The following IFT88 variants were observed in gnomAD, a reference collection of about 807,000 sequenced individuals.
IFT88 encodes intraflagellar transport protein 88 homolog.
IFT88 carries 74 observed loss-of-function variants against 119.5 expected under a neutral mutation model. That is an observed-to-expected ratio of 0.62 (90% confidence interval 0.51 to 0.75). The LOEUF (loss-of-function observed/expected upper bound fraction) is 0.75, where lower values mean the gene tolerates loss of function less well. IFT88 is among the 30% of genes least tolerant of loss of function. IFT88 has a pLI of 0.00. For synonymous variants in IFT88, 279 were observed against 316.7 expected (o/e 0.88, Z 1.26); for missense variants, 961 against 977.7 (o/e 0.98, Z 0.23).
At chr13:20,582,406 C>G (rs1020414729) in intron 2 of IFT88, among the ~76,000 whole-genome samples, 22 of 152,114 alleles carry the variant, frequency 1.4e-4, no homozygotes, top group African/African-American at 5.1e-4. Flanking sequence ...TTGAGCCCCC[C>G]CATTTGCTTA....
chr13:20,623,848 CT>C (rs1213589131), intron 14 of IFT88, among the ~76,000 whole-genome samples: 1 of 152,108 alleles, frequency 6.6e-6, no homozygotes, highest in Non-Finnish European at 1.5e-5. Context: ...CTTTAACCTC[CT>C]TGGTTATCCT....
At chr13:20,627,992 C>T (rs1394446258) in intron 15 of IFT88, among the ~76,000 whole-genome samples, 2 of 151,940 alleles carry the variant, frequency 1.3e-5, no homozygotes, top group East Asian at 3.9e-4. Context: ...TGCTTTCACT[C>T]TGTCTTTCTT....
intron 19 of IFT88, 121 bp from the exon 20 acceptor site, chr13:20,644,722 T>G: frequency 1.8e-6 from 1 of 560,208 alleles, no homozygotes; most frequent in Non-Finnish European, 3.2e-6. Context: ...TTAGGACAGT[T>G]CATACTCCTT....
Position 20,605,117 on chromosome 13 carries a change from A to G in IFT88, c.1112+12A>G, listed in dbSNP as rs1375988074. On this transcript the variant is annotated intron_variant, in intron 13 of 25. Transcript: ENST00000351808. Reference sequence around the variant, plus strand: ...ATGGAACGTGAAAGGTAATATTTTAAACTTAATAACGTAGTTATTAATTAC... The same window carrying G: ...ATGGAACGTGAAAGGTAATATTTTAGACTTAATAACGTAGTTATTAATTAC... The G allele has an allele frequency of 2.5e-6, 3 of 1,205,960 alleles. No individual in the cohort carries two copies. 74.7% of individuals were successfully genotyped at this position (1,205,960 alleles called of 1,614,324 possible). A position where few individuals can be genotyped will look rare whatever the true frequency, so the allele number is the denominator to read the frequency against.
chr13:20,571,243 C>T (rs1209109755), intron 1 of IFT88, among the ~76,000 whole-genome samples: 1 of 152,192 alleles, frequency 6.6e-6, no homozygotes, highest in African/African-American at 2.4e-5. Context: ...ATCTGCCTGC[C>T]TCGGCCTCCC....
chr13:20,593,924 A>G (rs1293153774), intron 7 of IFT88, among the ~76,000 whole-genome samples: 2 of 151,918 alleles, frequency 1.3e-5, no homozygotes, highest in African/African-American at 2.4e-5. Flanking sequence ...GGTGGCACAC[A>G]CCTGTAGCTC....
intron 13 of IFT88, among the ~76,000 whole-genome samples, chr13:20,606,572 C>T (rs754500236): frequency 3.3e-5 from 5 of 152,114 alleles, no homozygotes; most frequent in Non-Finnish European, 5.9e-5. Context: ...CAGAAATGTC[C>T]AAGTGTTCAT....
chr13:20,590,725 T>A (rs1193728625), intron 4 of IFT88, among the ~76,000 whole-genome samples: 1 of 152,168 alleles, frequency 6.6e-6, no homozygotes, highest in African/African-American at 2.4e-5. Flanking sequence ...CCACAGGCAA[T>A]GTGCAAAGGA....
At chr13:20,678,859 G>T (rs1242878827) in intron 24 of IFT88, among the ~76,000 whole-genome samples, 1 of 152,130 alleles carries the variant, frequency 6.6e-6, no homozygotes, top group Non-Finnish European at 1.5e-5. Flanking sequence ...TGCATCGGCA[G>T]ACTACACAAA....
intron 22 of IFT88, among the ~76,000 whole-genome samples, chr13:20,660,154 G>T (rs923888399): frequency 2.0e-5 from 3 of 152,220 alleles, no homozygotes; most frequent in Admixed American, 1.3e-4. Flanking sequence ...CAGGTAAGGA[G>T]CTAGAGAATG....
Position 20,592,384 on chromosome 13 carries a change from G to A in IFT88, c.378G>A (p.Leu126=). 6.2e-7 allele frequency: 1 copy of A among 1,609,970 alleles called. No homozygotes were observed. The highest frequency in any genetic ancestry group is 8.5e-7 in the Non-Finnish European group (1 of 1,178,392). Residue 126 remains leucine, a synonymous_variant, in exon 7 of 26, where the codon TTG becomes TTA. Coordinates refer to ENST00000351808, the MANE Select transcript of IFT88 (RefSeq NM_006531.5). ...LSQSRGPASP[L]EAKKKDSPEE... is the part of the protein sequence containing the mutation. ...AGTCAAGGGGCCCTGCTTCCCCTTT[G>A]GAAGCCAAGAAAAAAGATAGGTATG... is the stretch of plus-strand genomic sequence containing the variant.
At chr13:20,610,919 A>G (rs2044383753) in intron 13 of IFT88, among the ~76,000 whole-genome samples, 2 of 151,982 alleles carry the variant, frequency 1.3e-5, no homozygotes, top group African/African-American at 4.8e-5. Context: ...TGGGTGGATC[A>G]CTTGATCCCA....
At chr13:20,635,927 C>G (rs943385857) in intron 16 of IFT88, among the ~76,000 whole-genome samples, 1 of 152,182 alleles carries the variant, frequency 6.6e-6, no homozygotes, top group Middle Eastern at 3.4e-3. Flanking sequence ...AAGAAATAGC[C>G]TGTGTTTGCA....
intron 24 of IFT88, among the ~76,000 whole-genome samples, chr13:20,689,468 T>C (rs1162094836): frequency 6.6e-6 from 1 of 152,232 alleles, no homozygotes; most frequent in Non-Finnish European, 1.5e-5. Context: ...TTCCATCTTA[T>C]CTCTGTAATG....
In IFT88 at chr13:20,691,303, AT is replaced by A. The variant is rs1289155738; in HGVS notation, c.*130del. On this transcript the variant is annotated 3_prime_UTR_variant, in exon 26 of 26. Transcript: ENST00000351808. ...GTCAAAACTTAAGTAAGTGTATTCT[AT>A]TCTGTATGTATGCATTTAAGTTGTT... 1 of 824,178 alleles carries A rather than the reference AT, an allele frequency of 1.2e-6. No individual in the cohort carries two copies. The highest frequency in any genetic ancestry group is 1.7e-5 in the African/African-American group (1 of 57,694). 51.1% of individuals were successfully genotyped at this position (824,178 alleles called of 1,614,324 possible).
rs1594504313 is a variant in IFT88 at position 20,638,448 on chromosome 13, G to C, written c.1503G>C (p.Glu501Asp). The C allele has an allele frequency of 5.9e-6, 9 of 1,533,756 alleles. No homozygotes were observed. Among genetic ancestry groups the C allele is most frequent in the Non-Finnish European group, 7.9e-6 (9 of 1,146,400 alleles). The stretch of plus-strand genomic sequence containing the variant: ...CAGTTTTTGCAAATGGTGATTATGA[G>C]AAGGCCGCTGAATTCTATAAAGAGG... ...GNTVFANGDY[E>D]KAAEFYKEAL... The change falls in exon 17 of 26, where the codon GAG (glutamate) becomes GAC (aspartate). Residue 501 changes from glutamate to aspartate, a missense_variant. Glu to Asp is a conservative substitution (Grantham distance 45, BLOSUM62 2). Coordinates refer to ENST00000351808, the MANE Select transcript of IFT88 (RefSeq NM_006531.5).
At chr13:20,584,269 A>G (rs2039241252) in intron 3 of IFT88, among the ~76,000 whole-genome samples, 1 of 152,146 alleles carries the variant, frequency 6.6e-6, no homozygotes, top group South Asian at 2.1e-4. Flanking sequence ...GAACCTATGA[A>G]CACAGGATGC....
chr13:20,663,733 T>G, intron 23 of IFT88, 129 bp downstream of exon 23: 1 of 647,328 alleles, frequency 1.5e-6, no homozygotes, highest in Non-Finnish European at 2.6e-6. Context: ...TCTGACATAA[T>G]AGGAGGAATA....
intron 1 of IFT88, among the ~76,000 whole-genome samples, chr13:20,569,962 G>C (rs761011274): frequency 6.6e-6 from 1 of 151,708 alleles, no homozygotes; most frequent in Non-Finnish European, 1.5e-5. Context: ...GGAGAATGGC[G>C]TGAAACTGGG....
Sources: allele counts gnomAD v4.1 joint callset (sites outside exome capture counted in the v4.1 genomes callset), GRCh38; gene constraint gnomAD v4.1.1; transcripts MANE v1.5; gene names NCBI Gene and HGNC (gene_info 2026-07-23, HGNC 2026-07-21).